The following DYSF variants were observed in gnomAD, a reference collection of about 807,000 sequenced individuals.
DYSF encodes the protein dysferlin, also known as dystrophy-associated fer-1-like 1.
Under a neutral mutation model 274.9 loss-of-function variants are expected in DYSF, and 212 were observed. The observed-to-expected ratio is 0.77, with a 90% CI of 0.69 to 0.86. The LOEUF (loss-of-function observed/expected upper bound fraction) is 0.86, where lower values mean the gene tolerates loss of function less well. DYSF is among the 40% of genes least tolerant of loss of function. The pLI is 0.00. For missense variants in DYSF, 2,666 were observed against 2,783.2 expected (o/e 0.96, Z 0.95); for synonymous variants, 1,091 against 1,078.7 (o/e 1.01, Z -0.22).
intron 22 of DYSF, among the ~76,000 whole-genome samples, chr2:71,559,013 C>CT (rs2091531906): frequency 6.6e-6 from 1 of 152,150 alleles, no homozygotes; most frequent in Non-Finnish European, 1.5e-5. Context: ...GCAGCTCACC[C>CT]TTTCTCCAGT....
In DYSF at chr2:71,612,783, G is replaced by A. The variant is rs771617245; in HGVS notation, c.4364G>A (p.Ser1455Asn). 1.9e-6 allele frequency: 3 copies of A among 1,613,764 alleles called. No individual in the cohort carries two copies. The highest frequency in any genetic ancestry group is 2.5e-6 in the Non-Finnish European group (3 of 1,179,702). Residue 1455 changes from serine to asparagine, a missense_variant, in exon 39 of 56, where the codon AGT becomes AAT. Physicochemically the swap from Ser to Asn is conservative, Grantham distance 46 (BLOSUM62 1). This residue lies in a region of DYSF where 1,460 missense variants were observed against 1,502.1 expected (regional missense o/e 0.97). Transcript: ENST00000410020. ...CTGTGTGACCCCTACTCGGCGGAGA[G>A]TCCATCCCCACAGGGTGGCCCAGGT... ...SFLCDPYSAE[S>N]PSPQGGPDDV...
intron 26 of DYSF, among the ~76,000 whole-genome samples, chr2:71,568,753 G>A (rs1272298812): frequency 6.6e-6 from 1 of 152,088 alleles, no homozygotes; most frequent in African/African-American, 2.4e-5. Context: ...TAGAGACAGG[G>A]TCTCACTGTG....
rs551384644 is a variant in DYSF, at chr2:71,516,233, C to T, written c.942C>T (p.Ile314=). The change falls in exon 9 of 56, where the codon ATC becomes ATT. Residue 314 remains isoleucine, a synonymous_variant. Coordinates refer to ENST00000410020, the MANE Select transcript of DYSF (RefSeq NM_001130987.2). ...CTGGGGAGCTGTTTGATGAGCCCAT[C>T]TTTATCACGGTATGTCTCAGCAGTC... ...DSPGELFDEP[I]FITVVDSRSL... is the part of the protein sequence containing the mutation. 2 of 1,614,198 alleles carry T rather than the reference C, an allele frequency of 1.2e-6. No individual in the cohort carries two copies. Among genetic ancestry groups the T allele is most frequent in the Admixed American group, 3.3e-5 (2 of 60,034 alleles).
chr2:71,488,590 C>T (rs959631289), intron 3 of DYSF, among the ~76,000 whole-genome samples: 5 of 152,174 alleles, frequency 3.3e-5, no homozygotes, highest in African/African-American at 1.2e-4. Context: ...ATCATCGTTT[C>T]TCTGAGATAC....
At chr2:71,512,005 A>T in intron 5 of DYSF, 84 bp downstream of exon 5, 2 of 884,404 alleles carry the variant, frequency 2.3e-6, no homozygotes, top group Non-Finnish European at 3.6e-6. Context: ...AGCTGCAGCG[A>T]GGCTTCCCAG....
chr2:71,585,460 G>A (rs1430332963), intron 30 of DYSF, among the ~76,000 whole-genome samples: 12 of 152,160 alleles, frequency 7.9e-5, no homozygotes, highest in African/African-American at 2.9e-4. Context: ...AGAGACTGAC[G>A]GGAGGGAGAT....
At chr2:71,544,826 C>A (rs1360576117) in intron 17 of DYSF, among the ~76,000 whole-genome samples, 2 of 152,160 alleles carry the variant, frequency 1.3e-5, no homozygotes, top group African/African-American at 4.8e-5. Context: ...AGGCATGTAC[C>A]TGACATTGTT....
rs182612430 is a variant in DYSF, at chr2:71,641,542, T to C, written c.4528-2423T>C. ...TTCTCCTTTCTAATATATTCATTTC[T>C]ATTTACAATTTTCTTTGGTCTTTCT... On this transcript the variant is annotated intron_variant, in intron 41 of 55. Transcript: ENST00000410020. 8.0e-4 allele frequency among the ~76,000 whole-genome samples: 122 copies of C among 152,340 alleles called. 2 individuals are homozygous for C. The East Asian group carries it at 0.021, about 27-fold the overall frequency.
chr2:71,455,383 G>A (rs2081017540), intron 1 of DYSF, among the ~76,000 whole-genome samples: 1 of 152,176 alleles, frequency 6.6e-6, no homozygotes, highest in African/African-American at 2.4e-5. Context: ...CACCAAGAGT[G>A]GGGACCAAGG....
At chr2:71,641,177 T>A (rs1279565355) in intron 41 of DYSF, among the ~76,000 whole-genome samples, 5 of 86,268 alleles carry the variant, frequency 5.8e-5, no homozygotes, top group Non-Finnish European at 1.2e-4. Context: ...AATGTTTATC[T>A]ATTTTTTTTT....
At chr2:71,632,062 T>C (rs1175647733) in intron 41 of DYSF, among the ~76,000 whole-genome samples, 2 of 152,158 alleles carry the variant, frequency 1.3e-5, no homozygotes, top group African/African-American at 4.8e-5. Flanking sequence ...CATCTCTTCC[T>C]AGAGGGATAT....
At chr2:71,597,811 A>G (rs1191444960) in intron 32 of DYSF, among the ~76,000 whole-genome samples, 1 of 152,140 alleles carries the variant, frequency 6.6e-6, no homozygotes, top group African/African-American at 2.4e-5. Flanking sequence ...GAGTCTGTGC[A>G]CTTCCCTTTA....
At chr2:71,674,445 C>T in intron 52 of DYSF, 149 bp downstream of exon 52, 1 of 766,734 alleles carries the variant, frequency 1.3e-6, no homozygotes, top group Non-Finnish European at 2.3e-6. Flanking sequence ...GTCATGTGTC[C>T]CCAGTGTTAA....
At chr2:71,486,202 C>T (rs2152689513) in intron 3 of DYSF, among the ~76,000 whole-genome samples, 1 of 152,122 alleles carries the variant, frequency 6.6e-6, no homozygotes, top group South Asian at 2.1e-4. Flanking sequence ...CCCCGCTGTC[C>T]AACCTCATCC....
At chr2:71,632,739 T>C (rs2094335387) in intron 41 of DYSF, among the ~76,000 whole-genome samples, 1 of 152,176 alleles carries the variant, frequency 6.6e-6, no homozygotes, top group African/African-American at 2.4e-5. Context: ...TGCATAGTTG[T>C]GTGGGATCAT....
At chr2:71,521,211 A>G (rs746192451) in intron 12 of DYSF, among the ~76,000 whole-genome samples, 5 of 152,174 alleles carry the variant, frequency 3.3e-5, no homozygotes, top group Non-Finnish European at 7.3e-5. Context: ...TATTCTATAT[A>G]TATTATATTG....
At chr2:71,561,042 G>A (rs1573995611) in intron 22 of DYSF, among the ~76,000 whole-genome samples, 1 of 152,184 alleles carries the variant, frequency 6.6e-6, no homozygotes, top group South Asian at 2.1e-4. Context: ...GGGCGCCTCC[G>A]TGGGATGGGG....
chr2:71,513,984 A>G, intron 7 of DYSF, 63 bp downstream of exon 7: 1 of 1,592,950 alleles, frequency 6.3e-7, no homozygotes, highest in Non-Finnish European at 8.6e-7. Flanking sequence ...GGTGCCAGGC[A>G]CCTGCCTGGT....
At chr2:71,635,765 AGAAAGAAAAAAG>A (rs1340561643) in intron 41 of DYSF, among the ~76,000 whole-genome samples, 9 of 61,570 alleles carry the variant, frequency 1.5e-4, no homozygotes, top group African/African-American at 3.4e-4. Context: ...AAAAAAAAAA[AGAAAGAAAAAAG>A]AAAAAGAAAA....
Sources: allele counts gnomAD v4.1 joint callset (sites outside exome capture counted in the v4.1 genomes callset), GRCh38; gene constraint gnomAD v4.1.1; regional missense constraint gnomAD v4.1.1; transcripts MANE v1.5; gene names NCBI Gene and HGNC (gene_info 2026-07-23, HGNC 2026-07-21).